CD163L1: variants seen among roughly 807,000 people sequenced by gnomAD.
CD163L1 encodes scavenger receptor cysteine-rich type 1 protein M160.
In CD163L1, 124 loss-of-function variants were observed where a neutral mutation model predicts 165.4. The observed-to-expected ratio is 0.75, with a 90% CI of 0.65 to 0.87. The LOEUF (loss-of-function observed/expected upper bound fraction) is 0.87. Ranked by LOEUF, CD163L1 falls within the 40% of genes least tolerant of loss-of-function variation. The pLI, the probability that CD163L1 is intolerant of heterozygous loss-of-function variation, is 0.00. For synonymous variants in CD163L1, 585 were observed against 662.2 expected (o/e 0.88, Z 1.79); for missense variants, 1,525 against 1,799.9 (o/e 0.85, Z 2.76).
chr12:7,331,299 G>C, the CD163L1 span, among the ~76,000 whole-genome samples: 2 of 152,248 alleles, frequency 1.3e-5, no homozygotes, highest in Admixed American at 6.5e-5. Context: ...AGCTCAAACT[G>C]GGTGGAGCCC....
chr12:7,430,187 T>C (rs765588953), intron 4 of CD163L1, among the ~76,000 whole-genome samples: 3 of 152,288 alleles, frequency 2.0e-5, no homozygotes, highest in African/African-American at 4.8e-5. Context: ...TTTCAAAACA[T>C]TTATTGGAGT....
At chr12:7,331,475 A>G in the CD163L1 span, among the ~76,000 whole-genome samples, 13 of 152,364 alleles carry the variant, frequency 8.5e-5, no homozygotes, top group South Asian at 2.1e-4. Flanking sequence ...GAGAACAGGC[A>G]GACTGCCTCC....
the CD163L1 span, among the ~76,000 whole-genome samples, chr12:7,335,481 C>T: frequency 6.6e-6 from 1 of 152,112 alleles, no homozygotes; most frequent in Admixed American, 6.5e-5. Flanking sequence ...ACAGCTTATA[C>T]AAAAATTAAT....
chr12:7,322,770 C>G, the CD163L1 span, among the ~76,000 whole-genome samples: 1 of 152,196 alleles, frequency 6.6e-6, no homozygotes, highest in Non-Finnish European at 1.5e-5. Flanking sequence ...CAGGATAAAT[C>G]TCAGAGGCGT....
chr12:7,419,386 C>T (rs1415640926), intron 4 of CD163L1, among the ~76,000 whole-genome samples: 1 of 151,824 alleles, frequency 6.6e-6, no homozygotes, highest in East Asian at 1.9e-4. Flanking sequence ...CTATGGCAAA[C>T]CCACAGCCAA....
chr12:7,328,172 T>G, the CD163L1 span: 1 of 734,378 alleles, frequency 1.4e-6, no homozygotes, highest in Non-Finnish European at 2.2e-6. Flanking sequence ...GAGCTTAGGC[T>G]AAGATAATCT....
chr12:7,325,035 C>G, the CD163L1 span, among the ~76,000 whole-genome samples: 8,776 of 152,232 alleles, frequency 0.058, 304 homozygotes, highest in African/African-American at 0.093. Flanking sequence ...CCCTCCACCC[C>G]TTCAGGGAAG....
chr12:7,428,850 C>T (rs1948586195), intron 4 of CD163L1, among the ~76,000 whole-genome samples: 1 of 151,982 alleles, frequency 6.6e-6, no homozygotes, highest in Non-Finnish European at 1.5e-5. Flanking sequence ...TTCACAGATC[C>T]CAGGTAGCTG....
intron 8 of CD163L1, among the ~76,000 whole-genome samples, chr12:7,385,941 C>A (rs1334267871): frequency 4.0e-5 from 6 of 151,886 alleles, no homozygotes; most frequent in Non-Finnish European, 8.8e-5. Flanking sequence ...TCACAACACA[C>A]TAGAAAAGCA....
downstream of CD163L1, among the ~76,000 whole-genome samples, chr12:7,352,380 T>C (rs948237621): frequency 2.0e-5 from 3 of 152,076 alleles, no homozygotes; most frequent in Non-Finnish European, 4.4e-5. Flanking sequence ...ACCAGTGGAC[T>C]AGGAAGATAT....
chr12:7,380,518 T>G (rs1338985912), intron 8 of CD163L1, among the ~76,000 whole-genome samples: 10 of 151,964 alleles, frequency 6.6e-5, no homozygotes, highest in Non-Finnish European at 1.2e-4. Flanking sequence ...CTAAGTGAAG[T>G]AACTCAGGAA....
rs747559075 is a variant in CD163L1, at chr12:7,396,181, T to G, written c.1964A>C (p.Asp655Ala). The G allele has an allele frequency of 1.9e-6, 3 of 1,614,140 alleles. No homozygotes were observed. Among genetic ancestry groups the G allele is most frequent in the Non-Finnish European group, 2.5e-6 (3 of 1,180,016 alleles). Residue 655 changes from aspartate (D) to alanine (A), a missense_variant, in exon 8 of 20, where the codon GAT (aspartate) becomes GCT (alanine). Transcript: ENST00000313599. ...IWLDDVSCDG[D>A]ESDLWSCRNS... ...CCTGCATGACCAGAGATCTGACTCA[T>G]CTCCATCACAGGAAACATCATCGAG...
chr12:7,429,756 C>G (rs1055792795), intron 4 of CD163L1, among the ~76,000 whole-genome samples: 1 of 152,164 alleles, frequency 6.6e-6, no homozygotes, highest in African/African-American at 2.4e-5. Context: ...GTCTTCTTAA[C>G]TTCTGTCTCT....
At chr12:7,358,994 GAAA>G in intron 18 of CD163L1, among the ~76,000 whole-genome samples, 1 of 149,428 alleles carries the variant, frequency 6.7e-6, no homozygotes, top group African/African-American at 2.4e-5. Context: ...CACAGCTGAG[GAAA>G]AAAAAATCAG....
intron 9 of CD163L1, among the ~76,000 whole-genome samples, chr12:7,378,265 C>T (rs938767393): frequency 2.0e-5 from 3 of 152,162 alleles, no homozygotes; most frequent in South Asian, 2.1e-4. Context: ...ATCAAAATTC[C>T]GTATCTTCCC....
At chr12:7,338,155 G>C in the CD163L1 span, among the ~76,000 whole-genome samples, 1 of 151,998 alleles carries the variant, frequency 6.6e-6, no homozygotes, top group East Asian at 1.9e-4. Context: ...TCACACACTG[G>C]GGCTTGTCGG....
the CD163L1 span, among the ~76,000 whole-genome samples, chr12:7,331,561 T>A: frequency 1.3e-5 from 2 of 152,096 alleles, no homozygotes; most frequent in African/African-American, 4.8e-5. Flanking sequence ...ACCTCACACG[T>A]CCGGGTACTC....
chr12:7,335,826 C>T, the CD163L1 span, among the ~76,000 whole-genome samples: 2 of 152,200 alleles, frequency 1.3e-5, no homozygotes, highest in African/African-American at 2.4e-5. Flanking sequence ...AAACAAACAA[C>T]CCCATCAAAA....
intron 1 of CD163L1, among the ~76,000 whole-genome samples, chr12:7,442,465 A>T (rs141341124): frequency 7.4e-4 from 112 of 152,312 alleles, no homozygotes; most frequent in African/African-American, 2.7e-3. Flanking sequence ...AAGTAATCCC[A>T]AGTGAGTTTG....
Sources: gnomAD v4.1 joint callset for allele counts (sites outside exome capture counted in the v4.1 genomes callset) on GRCh38, gnomAD v4.1.1 for gene constraint, MANE v1.5 for transcripts, NCBI Gene and HGNC (gene_info 2026-07-23, HGNC 2026-07-21) for gene names.